Variants in NAALADL2 observed in about 807,000 individuals in gnomAD.
The protein encoded by NAALADL2 is N-acetylated alpha-linked acidic dipeptidase like 2, also known as inactive N-acetylated-alpha-linked acidic dipeptidase-like protein 2.
NAALADL2 carries 76 observed loss-of-function variants against 87.2 expected under a neutral mutation model. The ratio of observed to expected loss-of-function variants is 0.87; its 90% CI spans 0.72 to 1.05. NAALADL2 has a LOEUF of 1.05. Ranked by LOEUF, NAALADL2 falls within the 50% of genes least tolerant of loss-of-function variation. The pLI is 0.00. For synonymous variants in NAALADL2, 354 were observed against 331.0 expected (o/e 1.07, Z -0.75); for missense variants, 1,089 against 945.8 (o/e 1.15, Z -1.99).
chr3:174,944,505 A>T (rs920115434), intron 1 of NAALADL2, among the ~76,000 whole-genome samples: 2 of 152,182 alleles, frequency 1.3e-5, no homozygotes, highest in African/African-American at 4.8e-5. Flanking sequence ...AGCCAGTCTT[A>T]TCCTGTGAGG....
chr3:175,356,214 A>G (rs1298177570), intron 5 of NAALADL2, among the ~76,000 whole-genome samples: 1 of 152,134 alleles, frequency 6.6e-6, no homozygotes, highest in East Asian at 1.9e-4. Context: ...CCCTTGAGGT[A>G]TAGTTCAACA....
At chr3:175,231,840 C>T (rs1431692938) in intron 2 of NAALADL2, among the ~76,000 whole-genome samples, 1 of 152,080 alleles carries the variant, frequency 6.6e-6, no homozygotes, top group Admixed American at 6.6e-5. Context: ...TATTGGTTCA[C>T]CTTTGTAAAT....
intron 3 of NAALADL2, among the ~76,000 whole-genome samples, chr3:174,773,009 A>G (rs968639106): frequency 2.0e-5 from 3 of 152,204 alleles, no homozygotes; most frequent in African/African-American, 7.2e-5. Context: ...TGGAATAGCC[A>G]TATAGTCTGG....
intron 2 of NAALADL2, among the ~76,000 whole-genome samples, chr3:175,169,703 A>G (rs1327100065): frequency 6.6e-6 from 1 of 151,462 alleles, no homozygotes; most frequent in Non-Finnish European, 1.5e-5. Context: ...CTGTACTGCC[A>G]GTTTGGAAAT....
intron 2 of NAALADL2, among the ~76,000 whole-genome samples, chr3:174,565,681 GTGAATGC>G (rs1714172190): frequency 6.6e-6 from 1 of 151,998 alleles, no homozygotes; most frequent in African/African-American, 2.4e-5. Flanking sequence ...CTCATTTGGG[GTGAATGC>G]TAAAGATTGG....
chr3:175,701,135 C>T lies in NAALADL2; in HGVS notation c.1897-36171C>T, dbSNP rs1325850819. On this transcript the variant is annotated intron_variant, in intron 11 of 13. Coordinates refer to ENST00000454872, the MANE Select transcript of NAALADL2 (RefSeq NM_207015.3). ...CAGGCAGAAACGTGCATTAGGTTTA[C>T]AGTGCAGAAGGAGAAGATTTCAGGT... Among the ~76,000 whole-genome samples, 3 of 152,068 alleles carry T rather than the reference C, an allele frequency of 2.0e-5. No individual in the cohort carries two copies. In the East Asian group the frequency reaches 5.8e-4, roughly 29 times the overall value.
chr3:175,132,778 G>A (rs1728336453), intron 2 of NAALADL2, among the ~76,000 whole-genome samples: 1 of 149,994 alleles, frequency 6.7e-6, no homozygotes, highest in East Asian at 2.0e-4. Flanking sequence ...GGCTCTCCTG[G>A]CGGGGGCTGA....
intron 1 of NAALADL2, among the ~76,000 whole-genome samples, chr3:175,004,128 C>T (rs534192954): frequency 1.3e-5 from 2 of 152,196 alleles, no homozygotes; most frequent in South Asian, 2.1e-4. Context: ...GTAATCCCAG[C>T]ACTGGGAGGC....
In NAALADL2 at chr3:175,648,000, CA is replaced by C. The variant is rs546303771; in HGVS notation, c.1896+20617del. ...TAGATCTTTGTACTAACATTCAACA[CA>C]AAGTGGTGAGCAGTAAAGCCATGTT... On this transcript the variant is annotated intron_variant, in intron 11 of 13. Coordinates refer to ENST00000454872, the MANE Select transcript of NAALADL2 (RefSeq NM_207015.3). Among the ~76,000 whole-genome samples the C allele has an allele frequency of 2.6e-5, 4 of 152,286 alleles. No individual in the cohort carries two copies. In the South Asian group the frequency reaches 6.2e-4, roughly 24 times the overall value.
At chr3:174,540,139 G>A (rs1169591950) in intron 1 of NAALADL2, among the ~76,000 whole-genome samples, 3 of 152,098 alleles carry the variant, frequency 2.0e-5, no homozygotes, top group Non-Finnish European at 4.4e-5. Context: ...ATAGAACTGG[G>A]AAGTGTTGAA....
At chr3:174,629,764 T>G (rs1429566823) in intron 2 of NAALADL2, among the ~76,000 whole-genome samples, 1 of 152,202 alleles carries the variant, frequency 6.6e-6, no homozygotes, top group Non-Finnish European at 1.5e-5. Context: ...TTCACTGACT[T>G]TTACCTACGT....
At chr3:174,800,124 G>T (rs1412637523) in intron 3 of NAALADL2, among the ~76,000 whole-genome samples, 1 of 152,152 alleles carries the variant, frequency 6.6e-6, no homozygotes, top group Admixed American at 6.5e-5. Flanking sequence ...CAATGTGATA[G>T]AAAAGAAAAT....
At chr3:174,573,493 G>C (rs1213474306) in intron 2 of NAALADL2, among the ~76,000 whole-genome samples, 1 of 152,132 alleles carries the variant, frequency 6.6e-6, no homozygotes, top group African/African-American at 2.4e-5. Context: ...TTGTGTTGCT[G>C]TAAAGGAATA....
chr3:174,500,560 T>G (rs1436489833), intron 1 of NAALADL2, among the ~76,000 whole-genome samples: 1 of 152,318 alleles, frequency 6.6e-6, no homozygotes, highest in Non-Finnish European at 1.5e-5. Context: ...TTACTCTTTC[T>G]CTATTAATTA....
chr3:174,782,078 T>C (rs1288696029), intron 3 of NAALADL2, among the ~76,000 whole-genome samples: 1 of 152,146 alleles, frequency 6.6e-6, no homozygotes, highest in Non-Finnish European at 1.5e-5. Context: ...AAAGTACATA[T>C]GCATTGTTTT....
At chr3:175,535,731 T>C (rs1230595691) in intron 9 of NAALADL2, among the ~76,000 whole-genome samples, 1 of 152,174 alleles carries the variant, frequency 6.6e-6, no homozygotes, top group Non-Finnish European at 1.5e-5. Context: ...ACTTTAAATG[T>C]TGGGAAATTG....
intron 1 of NAALADL2, among the ~76,000 whole-genome samples, chr3:174,466,250 A>G (rs1301030970): frequency 6.6e-6 from 1 of 152,084 alleles, no homozygotes; most frequent in African/African-American, 2.4e-5. Flanking sequence ...ACAAATTCAT[A>G]AAGTTTCTTA....
chr3:175,491,090 A>G (rs1225781530), intron 9 of NAALADL2, among the ~76,000 whole-genome samples: 2 of 151,354 alleles, frequency 1.3e-5, no homozygotes, highest in South Asian at 2.1e-4. Flanking sequence ...AGCTCTAAGA[A>G]CATTCAATGG....
At chr3:174,959,205 A>G (rs982103182) in intron 1 of NAALADL2, among the ~76,000 whole-genome samples, 1 of 152,042 alleles carries the variant, frequency 6.6e-6, no homozygotes, top group African/African-American at 2.4e-5. Context: ...GCGGTAGCAT[A>G]TGTTTGTTTG....
Sources: gnomAD v4.1 joint callset for allele counts (sites outside exome capture counted in the v4.1 genomes callset) on GRCh38, gnomAD v4.1.1 for gene constraint, MANE v1.5 for transcripts, NCBI Gene and HGNC (gene_info 2026-07-23, HGNC 2026-07-21) for gene names.